The following SORCS3 variants were observed in gnomAD, a reference collection of about 807,000 sequenced individuals.
The protein encoded by SORCS3 is sortilin related VPS10 domain containing receptor 3, also known as VPS10 domain-containing receptor SorCS3.
Under a neutral mutation model 146.3 loss-of-function variants are expected in SORCS3, and 57 were observed. That is an observed-to-expected ratio of 0.39 (90% CI 0.31 to 0.49). SORCS3 has a LOEUF of 0.49. Ranked by LOEUF, SORCS3 falls within the 20% of genes least tolerant of loss-of-function variation. The pLI, the probability that SORCS3 is intolerant of heterozygous loss-of-function variation, is 0.92. For missense variants in SORCS3, 1,341 were observed against 1,575.5 expected (o/e 0.85, Z 2.52); for synonymous variants, 653 against 618.5 (o/e 1.06, Z -0.83).
chr10:105,158,838 G>C (rs775071001), intron 10 of SORCS3, 54 bp from the exon 11 acceptor site: 1 of 1,364,648 alleles, frequency 7.3e-7, no homozygotes, highest in Non-Finnish European at 1.0e-6. Flanking sequence ...AGTGGGGCAG[G>C]GGTACAGGTG....
chr10:104,742,888 G>A (rs977178345), intron 1 of SORCS3, among the ~76,000 whole-genome samples: 6 of 152,160 alleles, frequency 3.9e-5, no homozygotes, highest in Non-Finnish European at 8.8e-5. Context: ...TGGCCACAAA[G>A]AGACCAGGAG....
intron 1 of SORCS3, among the ~76,000 whole-genome samples, chr10:104,749,051 G>A (rs932701704): frequency 1.1e-4 from 17 of 152,138 alleles, no homozygotes; most frequent in African/African-American, 4.1e-4. Context: ...CCACTCCATG[G>A]GGGGCAGGCA....
intron 1 of SORCS3, among the ~76,000 whole-genome samples, chr10:104,747,170 C>G (rs1278744030): frequency 6.6e-6 from 1 of 152,278 alleles, no homozygotes; most frequent in Non-Finnish European, 1.5e-5. Flanking sequence ...CTGAACCTCC[C>G]CCATCTGGCT....
chr10:105,071,202 G>A (rs1478053526), intron 5 of SORCS3, among the ~76,000 whole-genome samples: 1 of 151,816 alleles, frequency 6.6e-6, no homozygotes, highest in African/African-American at 2.4e-5. Context: ...GAATCAAATG[G>A]AGGGTTAATT....
chr10:105,154,436 G>C (rs1009644802), intron 9 of SORCS3, among the ~76,000 whole-genome samples: 2 of 152,224 alleles, frequency 1.3e-5, no homozygotes, highest in African/African-American at 4.8e-5. Flanking sequence ...GGGGCCTGCT[G>C]TCAGTTTCCC....
intron 3 of SORCS3, among the ~76,000 whole-genome samples, chr10:104,959,151 G>A (rs889460278): frequency 6.6e-6 from 1 of 152,084 alleles, no homozygotes; most frequent in Non-Finnish European, 1.5e-5. Context: ...AGATAATAAA[G>A]TTATATTGTT....
chr10:104,800,334 G>A (rs911136033), intron 1 of SORCS3, among the ~76,000 whole-genome samples: 3 of 152,162 alleles, frequency 2.0e-5, no homozygotes, highest in African/African-American at 7.2e-5. Flanking sequence ...AGCGAGGAGA[G>A]GGGAATGAAT....
At chr10:104,986,162 C>T (rs1008814973) in intron 4 of SORCS3, among the ~76,000 whole-genome samples, 1 of 152,226 alleles carries the variant, frequency 6.6e-6, no homozygotes, top group Non-Finnish European at 1.5e-5. Flanking sequence ...ATGATCTTAG[C>T]TAGATCTTCT....
At chr10:105,252,230 A>G (rs1396518332) in intron 22 of SORCS3, among the ~76,000 whole-genome samples, 1 of 152,250 alleles carries the variant, frequency 6.6e-6, no homozygotes. Flanking sequence ...TCAGAAAACA[A>G]ATTGGCAATA....
chr10:104,708,778 C>T (rs2016378850), intron 1 of SORCS3, among the ~76,000 whole-genome samples: 1 of 152,208 alleles, frequency 6.6e-6, no homozygotes, highest in African/African-American at 2.4e-5. Context: ...AATATTTCTT[C>T]CAGGCCTCAG....
At chr10:104,725,272 C>T (rs1411007035) in intron 1 of SORCS3, among the ~76,000 whole-genome samples, 2 of 152,172 alleles carry the variant, frequency 1.3e-5, no homozygotes, top group Admixed American at 6.5e-5. Context: ...GTATCAGCAG[C>T]GGAGGCTGCA....
chr10:104,999,776 G>A (rs980666983), intron 4 of SORCS3, among the ~76,000 whole-genome samples: 1 of 152,042 alleles, frequency 6.6e-6, no homozygotes. Context: ...TGGGATCATC[G>A]TGGTCCAGCC....
At chr10:105,084,824 G>C (rs1004203148) in intron 5 of SORCS3, among the ~76,000 whole-genome samples, 4 of 151,254 alleles carry the variant, frequency 2.6e-5, no homozygotes, top group African/African-American at 9.7e-5. Flanking sequence ...TCCACCTCCC[G>C]GGTTCACGCC....
At chr10:105,120,019 G>C (rs913938605) in intron 7 of SORCS3, among the ~76,000 whole-genome samples, 1 of 152,186 alleles carries the variant, frequency 6.6e-6, no homozygotes, top group African/African-American at 2.4e-5. Flanking sequence ...GTTTGACTGT[G>C]TCTTCATCCA....
chr10:104,798,180 G>A (rs1224712027), intron 1 of SORCS3, among the ~76,000 whole-genome samples: 1 of 152,182 alleles, frequency 6.6e-6, no homozygotes, highest in African/African-American at 2.4e-5. Flanking sequence ...CAGGATATTA[G>A]GAAAGGTGGG....
intron 3 of SORCS3, among the ~76,000 whole-genome samples, chr10:104,940,238 A>ATATATATTTTT (rs1435205868): frequency 6.3e-5 from 2 of 31,518 alleles, no homozygotes; most frequent in East Asian, 2.1e-3. Context: ...ATATATATAT[A>ATATATATTTTT]TTTTTTTTTT....
In SORCS3 at chr10:105,217,178, T is replaced by C. The variant is rs2056670625; in HGVS notation, c.2734+56T>C. The C allele has an allele frequency of 3.8e-6, 6 of 1,568,476 alleles. No individual in the cohort carries two copies. In the African/African-American group the frequency reaches 5.4e-5, roughly 14 times the overall value. On this transcript the variant is annotated intron_variant, in intron 19 of 26. Coordinates refer to ENST00000369701, the MANE Select transcript of SORCS3 (RefSeq NM_014978.3). ...TTTGTTCCCAGTTGGCAACTTGCTCTGTTCAGACTTCCTAAAATTCAGAGC... is the reference window on the plus strand; with the variant it reads ...TTTGTTCCCAGTTGGCAACTTGCTCCGTTCAGACTTCCTAAAATTCAGAGC...
intron 5 of SORCS3, among the ~76,000 whole-genome samples, chr10:105,046,677 C>T (rs2133707306): frequency 6.6e-6 from 1 of 152,262 alleles, no homozygotes; most frequent in Admixed American, 6.5e-5. Context: ...ATACTAAGAG[C>T]TTCACCTGGA....
chr10:105,240,747 G>A (rs1564792756), intron 20 of SORCS3, among the ~76,000 whole-genome samples: 1 of 151,946 alleles, frequency 6.6e-6, no homozygotes, highest in Non-Finnish European at 1.5e-5. Context: ...ATTCACCTGT[G>A]TAATCCAAAC....
Sources: gnomAD v4.1 joint callset for allele counts (sites outside exome capture counted in the v4.1 genomes callset) on GRCh38, gnomAD v4.1.1 for gene constraint, MANE v1.5 for transcripts, NCBI Gene and HGNC (gene_info 2026-07-23, HGNC 2026-07-21) for gene names.